Variants in MOV10L1 observed in about 807,000 individuals in gnomAD.
MOV10L1 encodes the protein RNA helicase Mov10l1.
Under a neutral mutation model 143.8 loss-of-function variants are expected in MOV10L1, and 110 were observed. The ratio of observed to expected loss-of-function variants is 0.76; its 90% confidence interval spans 0.66 to 0.90. The LOEUF is 0.90. MOV10L1 is among the 40% of genes least tolerant of loss of function. The pLI, the probability that MOV10L1 is intolerant of heterozygous loss-of-function variation, is 0.00. For synonymous variants in MOV10L1, 593 were observed against 581.1 expected (o/e 1.02, Z -0.29); for missense variants, 1,406 against 1,526.8 (o/e 0.92, Z 1.32).
chr22:50,101,581 G>GATCTTT, intron 3 of MOV10L1, among the ~76,000 whole-genome samples: 1 of 134,998 alleles, frequency 7.4e-6, no homozygotes, highest in South Asian at 2.5e-4. Context: ...GTGCAGTGGT[G>GATCTTT]GCTCACTGTA....
chr22:50,158,366 C>G lies in MOV10L1; in HGVS notation c.3216+160C>G. 1.2e-6 allele frequency: 1 copy of G among 855,230 alleles called. No homozygotes were observed. Among genetic ancestry groups the G allele is most frequent in the Non-Finnish European group, 1.7e-6 (1 of 574,090 alleles). The allele number at this position is 855,230 out of a possible 1,614,324, so 53.0% of individuals were successfully genotyped here. On this transcript the variant is annotated intron_variant, in intron 23 of 26. Transcript: ENST00000262794. This position sits in a 1 kb window ranked among gnomAD's most constrained non-coding sequence, Gnocchi z 5.0. Reference sequence around the variant, plus strand: ...AATGTCGTTCAACATGAGAGGTCACCCAACTGCCATCCATGGGCCAGTTCC... The same window carrying G: ...AATGTCGTTCAACATGAGAGGTCACGCAACTGCCATCCATGGGCCAGTTCC...
At position 50,099,619 on chromosome 22, in the gene MOV10L1, G is replaced by C; in HGVS notation, c.442+17G>C. On this transcript the variant is annotated intron_variant, in intron 3 of 26. Transcript: ENST00000262794. ...TGTGCGAAGGTATGCTCAGGGGTCT[G>C]TGTTCCACATTGAAAATTAGGTTTT... is the stretch of plus-strand genomic sequence containing the variant. The C allele has an allele frequency of 1.3e-6, 2 of 1,586,568 alleles. No individual in the cohort carries two copies. Among genetic ancestry groups the C allele is most frequent in the Non-Finnish European group, 1.7e-6 (2 of 1,160,082 alleles).
intron 16 of MOV10L1, among the ~76,000 whole-genome samples, chr22:50,142,626 C>T (rs145088738): frequency 4.6e-5 from 7 of 151,262 alleles, no homozygotes; most frequent in Admixed American, 2.0e-4. Flanking sequence ...CTCAGGAGTT[C>T]GAGACCAACC....
At chr22:50,137,410 A>C (rs1345554401) in intron 15 of MOV10L1, among the ~76,000 whole-genome samples, 1 of 152,196 alleles carries the variant, frequency 6.6e-6, no homozygotes, top group African/African-American at 2.4e-5. Context: ...TAGACAATGC[A>C]GAAGGAAAAA....
chr22:50,104,286 C>A (rs1038975070), intron 3 of MOV10L1, among the ~76,000 whole-genome samples: 2 of 152,220 alleles, frequency 1.3e-5, no homozygotes, highest in Non-Finnish European at 2.9e-5. Context: ...TTCTAACAGG[C>A]CACAGTCCGG....
Position 50,152,907 on chromosome 22 carries a change from A to T in MOV10L1, c.2893-138A>T. ...CAAGGGCTTGGTCTGGGGGCAGGCG[A>T]CACACAGGGGCGCAGGAGCAGAGTC... On this transcript the variant is annotated intron_variant, in intron 21 of 26. Transcript: ENST00000262794. The surrounding 1 kb of genome is among the most constrained non-coding windows in gnomAD (Gnocchi z 4.4). 1 of 818,686 alleles carries T rather than the reference A, an allele frequency of 1.2e-6. No individual in the cohort carries two copies. The highest frequency in any genetic ancestry group is 2.5e-5 in the East Asian group (1 of 40,408). The allele number at this position is 818,686 out of a possible 1,614,324, so 50.7% of individuals were successfully genotyped here.
Position 50,128,401 on chromosome 22 carries a change from T to C in MOV10L1, c.1819-15T>C. The C allele has an allele frequency of 7.7e-7, 1 of 1,301,980 alleles. No homozygotes were observed. 80.7% of individuals were successfully genotyped at this position (1,301,980 alleles called of 1,614,324 possible). A position where few individuals can be genotyped will look rare whatever the true frequency, so the allele number is the denominator to read the frequency against. On this transcript the variant is annotated splice_polypyrimidine_tract_variant and intron_variant, in intron 12 of 26. Coordinates refer to ENST00000262794, the MANE Select transcript of MOV10L1 (RefSeq NM_018995.3). ...TATTTCAAGAAATCAGGTATATTGTTTGTTCCTTTTTTAGATTCATGAAGA... is the reference window on the plus strand; with the variant it reads ...TATTTCAAGAAATCAGGTATATTGTCTGTTCCTTTTTTAGATTCATGAAGA...
chr22:50,156,853 C>T (rs2063439707), intron 22 of MOV10L1, among the ~76,000 whole-genome samples: 1 of 152,142 alleles, frequency 6.6e-6, no homozygotes, highest in African/African-American at 2.4e-5. Flanking sequence ...TATTTGAGAC[C>T]CTGCTTTCAG....
intron 10 of MOV10L1, 33 bp from the exon 11 acceptor site, chr22:50,125,359 T>C: frequency 6.2e-7 from 1 of 1,604,406 alleles, no homozygotes; most frequent in Non-Finnish European, 8.5e-7. Context: ...TGCTGAGCTG[T>C]TGCTGACTTT....
chr22:50,096,919 A>G (rs914507303), intron 2 of MOV10L1, among the ~76,000 whole-genome samples: 17 of 152,174 alleles, frequency 1.1e-4, no homozygotes, highest in South Asian at 2.1e-4. Context: ...CATTTTATCA[A>G]TTGTCTTTTC....
At chr22:50,091,284 C>T (rs566726945) in intron 1 of MOV10L1, 8 of 167,480 alleles carry the variant, frequency 4.8e-5, no homozygotes, top group Admixed American at 3.9e-4. Context: ...CCCCAGGTTC[C>T]TCCCGTGGCT....
intron 19 of MOV10L1, chr22:50,146,962 C>T: frequency 2.6e-6 from 3 of 1,134,860 alleles, no homozygotes; most frequent in Non-Finnish European, 3.9e-6. Context: ...CTGTGCGGTG[C>T]CCGAGAGCCG....
intron 12 of MOV10L1, among the ~76,000 whole-genome samples, chr22:50,126,499 G>A (rs1483896792): frequency 6.6e-6 from 1 of 152,240 alleles, no homozygotes; most frequent in Admixed American, 6.5e-5. Context: ...TTATATGTAA[G>A]TCATGAGGTT....
intron 22 of MOV10L1, 124 bp from the exon 23 acceptor site, chr22:50,157,933 C>T (rs920665070): frequency 1.8e-5 from 21 of 1,186,390 alleles, no homozygotes; most frequent in East Asian, 2.4e-5. Flanking sequence ...AAGTTCTGCA[C>T]GAGAGCAGGG....
At chr22:50,117,462 G>T in intron 9 of MOV10L1, 111 bp downstream of exon 9, 3 of 1,126,604 alleles carry the variant, frequency 2.7e-6, no homozygotes, top group Non-Finnish European at 1.2e-6. Flanking sequence ...AGGTATAAAG[G>T]GGATGAAGCT....
intron 3 of MOV10L1, 41 bp downstream of exon 3, chr22:50,099,643 T>G (rs767881957): frequency 6.3e-7 from 1 of 1,578,008 alleles, no homozygotes; most frequent in Non-Finnish European, 8.7e-7. Context: ...AAATTAGGTT[T>G]TGTCTTTTAA....
intron 3 of MOV10L1, among the ~76,000 whole-genome samples, chr22:50,107,412 G>A (rs2147099320): frequency 6.6e-6 from 1 of 152,292 alleles, no homozygotes; most frequent in South Asian, 2.1e-4. Context: ...GTCGAATGTA[G>A]GTGTCAGCTG....
At chr22:50,123,275 G>A (rs1486935533) in intron 10 of MOV10L1, among the ~76,000 whole-genome samples, 2 of 149,750 alleles carry the variant, frequency 1.3e-5, no homozygotes, top group Admixed American at 1.3e-4. Context: ...TTCTGTTAAT[G>A]TGTGTTGCTA....
At chr22:50,111,599 G>T in intron 5 of MOV10L1, among the ~76,000 whole-genome samples, 1 of 150,170 alleles carries the variant, frequency 6.7e-6, no homozygotes, top group Non-Finnish European at 1.5e-5. Context: ...CACCTCCTGG[G>T]TTCACGCCAT....
Sources: gnomAD v4.1 joint callset for allele counts (sites outside exome capture counted in the v4.1 genomes callset) on GRCh38, gnomAD v4.1.1 for gene constraint, Gnocchi (gnomAD v3.1) non-coding constraint, MANE v1.5 for transcripts, NCBI Gene and HGNC (gene_info 2026-07-23, HGNC 2026-07-21) for gene names.